Variants in USP9X observed in about 807,000 individuals in gnomAD.
USP9X encodes the protein ubiquitin carboxyl-terminal hydrolase 9X.
In USP9X, 7 loss-of-function variants were observed where a neutral mutation model predicts 190.3. That is an observed-to-expected ratio of 0.04 (90% CI 0.02 to 0.07). The LOEUF (loss-of-function observed/expected upper bound fraction) is 0.07, where lower values mean the gene tolerates loss of function less well. Ranked by LOEUF, USP9X falls within the 10% of genes least tolerant of loss-of-function variation. USP9X has a pLI of 1.00. For missense variants in USP9X, 1,010 were observed against 1,916.9 expected, an observed-to-expected ratio of 0.53 and a Z score of 8.83; for synonymous variants, 645 against 659.5, an observed-to-expected ratio of 0.98 and a Z score of 0.34.
intron 1 of USP9X, among the ~76,000 whole-genome samples, chrX:41,090,782 C>T (rs1317979070): frequency 9.0e-6 from 1 of 111,250 alleles, no homozygotes; most frequent in Non-Finnish European, 1.9e-5. Context: ...GTCACACAGT[C>T]AAAAATTCCA....
At chrX:41,123,748 A>G (rs758700552) in intron 2 of USP9X, 24 bp downstream of exon 2, 3 of 1,182,590 alleles carry the variant, frequency 2.5e-6, no homozygotes, top group Non-Finnish European at 3.4e-6. Flanking sequence ...GATACTAGTT[A>G]AAGCTACAGT....
chrX:41,099,093 A>ATTTTTTTTTTTTTT (rs1569147006), intron 1 of USP9X, among the ~76,000 whole-genome samples: 1 of 47,361 alleles, frequency 2.1e-5, no homozygotes. Context: ...TGCCCAGATA[A>ATTTTTTTTTTTTTT]TTGTTTTTTT....
chrX:41,178,581 G>A (rs1409125304), intron 21 of USP9X, among the ~76,000 whole-genome samples: 3 of 111,692 alleles, frequency 2.7e-5, no homozygotes, highest in African/African-American at 9.8e-5. Flanking sequence ...CGGATTTTTT[G>A]CTGTTGAGTT....
chrX:41,104,956 A>G (rs2062059177), intron 1 of USP9X, among the ~76,000 whole-genome samples: 1 of 111,965 alleles, frequency 8.9e-6, no homozygotes, highest in African/African-American at 3.2e-5. Flanking sequence ...GATCACTTCA[A>G]AGCTATGTTA....
intron 4 of USP9X, among the ~76,000 whole-genome samples, chrX:41,132,070 CTTCA>C (rs1415104854): frequency 9.0e-6 from 1 of 111,046 alleles, no homozygotes; most frequent in Non-Finnish European, 1.9e-5. Context: ...CTAGTAAAAT[CTTCA>C]TTCATAATCC....
At chrX:41,226,245 C>T (rs1333668141) in intron 41 of USP9X, among the ~76,000 whole-genome samples, 1 of 111,988 alleles carries the variant, frequency 8.9e-6, no homozygotes, top group Non-Finnish European at 1.9e-5. Context: ...CTAAGGTTAT[C>T]CAGCTTAACT....
chrX:41,115,520 T>C (rs2062142566), intron 1 of USP9X, among the ~76,000 whole-genome samples: 1 of 112,234 alleles, frequency 8.9e-6, no homozygotes, highest in Non-Finnish European at 1.9e-5. Flanking sequence ...TCTATCAAAT[T>C]GTTTTCTAAG....
chrX:41,130,977 C>T lies in USP9X; in HGVS notation c.243-480C>T, dbSNP rs908021467. Among the ~76,000 whole-genome samples, 14 of 109,580 alleles carry T rather than the reference C, an allele frequency of 1.3e-4. No individual in the cohort carries two copies. The East Asian group carries it at 3.7e-3, about 29-fold the overall frequency. ...CTGATGTCAGGTGATCCTCCTGCCT[C>T]GGCCTCCCAAAGTGCTGGGATTAGA... On this transcript the variant is annotated intron_variant, in intron 3 of 44. Transcript: ENST00000378308.
At position 41,141,342 on chromosome X, in the gene USP9X, G is replaced by A; in HGVS notation, c.1072G>A (p.Val358Ile). Residue 358 changes from valine to isoleucine, a missense_variant, in exon 9 of 45, where the codon GTT becomes ATT. This residue lies in a region of USP9X where 39 missense variants were observed against 132.4 expected (regional missense o/e 0.29). Coordinates refer to ENST00000378308, the MANE Select transcript of USP9X (RefSeq NM_001039591.3). ...FNGKMNALNE[V>I]NKVISSVSYY... ...TGGAAAGATGAATGCACTGAATGAA[G>A]TTAATAAGGTGATATCTAGTGTATC... 1 of 1,207,214 alleles carries A rather than the reference G, an allele frequency of 8.3e-7. No homozygotes were observed. The highest frequency in any genetic ancestry group is 1.1e-6 in the Non-Finnish European group (1 of 893,639).
intron 1 of USP9X, among the ~76,000 whole-genome samples, chrX:41,100,946 TA>T (rs1252225327): frequency 1.8e-5 from 2 of 111,151 alleles, no homozygotes; most frequent in Non-Finnish European, 3.8e-5. Context: ...TCTCCTGTTT[TA>T]AAGATGATCA....
rs1329089676 is a variant in USP9X, at chrX:41,219,143, A to C, written c.6477A>C (p.Ala2159=). Residue 2159 remains alanine, a synonymous_variant, in exon 38 of 45, where the codon GCA becomes GCC. Transcript: ENST00000378308. ...GCTTGAGTGATCACTTACTAAGAGC[A>C]GTACTAAATCTCTTGAGAAGGGAAG... The part of the protein sequence containing the change: ...NLSLSDHLLR[A]VLNLLRREVS... The C allele has an allele frequency of 8.3e-7, 1 of 1,210,669 alleles. No homozygotes were observed. Among genetic ancestry groups the C allele is most frequent in the Non-Finnish European group, 1.1e-6 (1 of 894,616 alleles).
At chrX:41,197,753 G>A (rs752311940) in intron 29 of USP9X, among the ~76,000 whole-genome samples, 1 of 111,163 alleles carries the variant, frequency 9.0e-6, no homozygotes, top group South Asian at 3.8e-4. Flanking sequence ...CCTCATGCCT[G>A]TAATCCCAGT....
chrX:41,088,563 G>A (rs1207458516), intron 1 of USP9X, among the ~76,000 whole-genome samples: 3 of 112,181 alleles, frequency 2.7e-5, no homozygotes, highest in Non-Finnish European at 3.8e-5. Flanking sequence ...CAGATGTTAA[G>A]AATTAGTTAT....
At chrX:41,163,388 G>A (rs764165141) in intron 15 of USP9X, among the ~76,000 whole-genome samples, 7 of 110,564 alleles carry the variant, frequency 6.3e-5, no homozygotes, top group Non-Finnish European at 1.1e-4. Context: ...GTAGTCTAGG[G>A]CTGGATTTTC....
In USP9X at chrX:41,197,913, C is replaced by T. The variant is rs769798968; in HGVS notation, c.4380+403C>T. Among the ~76,000 whole-genome samples the T allele has an allele frequency of 2.7e-5, 3 of 111,070 alleles. No individual in the cohort carries two copies. In the East Asian group the frequency reaches 8.5e-4, roughly 31 times the overall value. ...CCATGGTCCCCAGCTACTTGAGAGG[C>T]TGAGATGGAAGGATCACCTGAGCCC... On this transcript the variant is annotated intron_variant, in intron 29 of 44. Coordinates refer to ENST00000378308, the MANE Select transcript of USP9X (RefSeq NM_001039591.3).
At position 41,168,175 on chromosome X, in the gene USP9X, G is replaced by A; in HGVS notation, c.2593G>A (p.Asp865Asn). ...TVLREYINEC[D>N]SDYHEERTIL... ...TTTAAGGGAATATATAAATGAATGT[G>A]ACAGTGATTATCATGAGGAAAGAAC... The change falls in exon 18 of 45, where the codon GAC (aspartate) becomes AAC (asparagine). Residue 865 changes from aspartate (D) to asparagine (N), a missense_variant. By Grantham distance (23) the Asp-to-Asn change is conservative (BLOSUM62 1). Around this residue, in one of 11 missense-constraint regions of USP9X, gnomAD observed 351 missense variants for 480.8 expected, o/e 0.73. Coordinates refer to ENST00000378308, the MANE Select transcript of USP9X (RefSeq NM_001039591.3). The A allele has an allele frequency of 8.3e-7, 1 of 1,208,781 alleles. No homozygotes were observed.
chrX:41,198,492 C>A, intron 29 of USP9X, 36 bp from the exon 30 acceptor site: 3 of 1,049,470 alleles, frequency 2.9e-6, no homozygotes, highest in Non-Finnish European at 3.9e-6. Context: ...AAATATATAG[C>A]ATTGCTAATA....
At chrX:41,230,345 T>G (rs1569205275) in intron 43 of USP9X, among the ~76,000 whole-genome samples, 156 bp from the exon 44 acceptor site, 5 of 110,722 alleles carry the variant, frequency 4.5e-5, no homozygotes, top group Middle Eastern at 4.7e-3. Context: ...TGTTTTTTTT[T>G]TTTTTGTTTT....
rs566815763 is a variant in USP9X, at chrX:41,105,043, C to A, written c.-158-18428C>A. Among the ~76,000 whole-genome samples the A allele has an allele frequency of 6.3e-5, 7 of 110,695 alleles. No individual in the cohort carries two copies. In the Middle Eastern group the frequency reaches 0.014, roughly 222 times the overall value. ...AGTTTTGAAGATCCTAAATTTCTGA[C>A]AAACTACAATAAATATAGGACTTGA... On this transcript the variant is annotated intron_variant, in intron 1 of 44. Transcript: ENST00000378308.
Sources: allele counts gnomAD v4.1 joint callset (sites outside exome capture counted in the v4.1 genomes callset), GRCh38; gene constraint gnomAD v4.1.1; regional missense constraint gnomAD v4.1.1; transcripts MANE v1.5; gene names NCBI Gene and HGNC (gene_info 2026-07-23, HGNC 2026-07-21).